Variants in TMEM132D observed in about 807,000 individuals in gnomAD.
The protein encoded by TMEM132D is mature OL transmembrane protein.
In TMEM132D, 21 loss-of-function variants were observed where a neutral mutation model predicts 62.3. The ratio of observed to expected loss-of-function variants is 0.34; its 90% confidence interval spans 0.24 to 0.49. The LOEUF is 0.49. Ranked by LOEUF, TMEM132D falls within the 20% of genes least tolerant of loss-of-function variation. The pLI, the probability that TMEM132D is intolerant of heterozygous loss-of-function variation, is 0.99. For missense variants in TMEM132D, 1,346 were observed against 1,402.8 expected (o/e 0.96, Z 0.65); for synonymous variants, 621 against 575.6 (o/e 1.08, Z -1.13).
intron 2 of TMEM132D, among the ~76,000 whole-genome samples, chr12:129,688,676 T>A (rs1213490432): frequency 6.6e-6 from 1 of 151,832 alleles, no homozygotes; most frequent in Non-Finnish European, 1.5e-5. Flanking sequence ...CTTCCAATAT[T>A]TCATGAGTGA....
At chr12:129,387,299 AC>A (rs1871134734) in intron 3 of TMEM132D, among the ~76,000 whole-genome samples, 1 of 127,242 alleles carries the variant, frequency 7.9e-6, no homozygotes, top group Non-Finnish European at 1.6e-5. Context: ...CAATGCCAAC[AC>A]CAATACCAAC....
chr12:129,454,804 G>C (rs1593016392), intron 3 of TMEM132D, among the ~76,000 whole-genome samples: 1 of 152,134 alleles, frequency 6.6e-6, no homozygotes, highest in African/African-American at 2.4e-5. Flanking sequence ...ACTTAGCTCT[G>C]AGCCATCCAC....
intron 2 of TMEM132D, among the ~76,000 whole-genome samples, chr12:129,640,593 G>T (rs1273310102): frequency 5.3e-5 from 8 of 152,150 alleles, no homozygotes; most frequent in Admixed American, 5.2e-4. Context: ...AATCTAGGAG[G>T]GACCTGGAGA....
At chr12:129,790,739 G>T (rs1334352358) in intron 1 of TMEM132D, among the ~76,000 whole-genome samples, 1 of 152,126 alleles carries the variant, frequency 6.6e-6, no homozygotes, top group Non-Finnish European at 1.5e-5. Flanking sequence ...TGAGGGTCGG[G>T]CCCTCACCAG....
intron 5 of TMEM132D, among the ~76,000 whole-genome samples, chr12:129,114,658 C>T (rs76138259): frequency 0.048 from 7,271 of 152,280 alleles, 402 homozygotes; most frequent in East Asian, 0.29. Flanking sequence ...AGAAGCCCCT[C>T]GCATGCCCCT....
At chr12:129,088,449 C>G (rs1318419185) in intron 5 of TMEM132D, among the ~76,000 whole-genome samples, 1 of 42,502 alleles carries the variant, frequency 2.4e-5, no homozygotes. Flanking sequence ...CCTCCATGAC[C>G]GGGTGTCCTC....
At chr12:129,323,961 AG>A (rs1440127390) in intron 4 of TMEM132D, among the ~76,000 whole-genome samples, 4 of 152,224 alleles carry the variant, frequency 2.6e-5, no homozygotes, top group Middle Eastern at 3.4e-3. Context: ...TAAATGGAAA[AG>A]CAGTTACCTC....
chr12:129,136,836 T>TCAC (rs1876583681), intron 5 of TMEM132D, among the ~76,000 whole-genome samples: 1 of 130,658 alleles, frequency 7.7e-6, no homozygotes, highest in Admixed American at 7.6e-5. Context: ...ATCATCATTA[T>TCAC]CACCACCACC....
intron 1 of TMEM132D, among the ~76,000 whole-genome samples, chr12:129,711,511 A>G (rs2137236594): frequency 2.0e-5 from 3 of 152,256 alleles, no homozygotes; most frequent in Admixed American, 2.0e-4. Context: ...GGATCACCTG[A>G]GGTCAGGTGT....
intron 1 of TMEM132D, among the ~76,000 whole-genome samples, chr12:129,895,189 C>T (rs149615541): frequency 1.4e-4 from 21 of 152,350 alleles, no homozygotes; most frequent in African/African-American, 3.4e-4. Flanking sequence ...CCCAGGTACA[C>T]GTCACCGTTG....
intron 5 of TMEM132D, among the ~76,000 whole-genome samples, chr12:129,131,325 G>C (rs961416982): frequency 6.6e-6 from 1 of 152,142 alleles, no homozygotes; most frequent in Non-Finnish European, 1.5e-5. Flanking sequence ...GAAATTATCC[G>C]GCCAGGTATA....
intron 1 of TMEM132D, among the ~76,000 whole-genome samples, chr12:129,714,006 T>C (rs923360844): frequency 4.6e-5 from 7 of 152,216 alleles, no homozygotes; most frequent in African/African-American, 1.4e-4. Flanking sequence ...GGTAAGGTGA[T>C]AGACAAAGTC....
At chr12:129,611,150 A>G (rs1223733342) in intron 2 of TMEM132D, among the ~76,000 whole-genome samples, 1 of 152,084 alleles carries the variant, frequency 6.6e-6, no homozygotes, top group East Asian at 1.9e-4. Flanking sequence ...TGCATTTACC[A>G]TGTGTCAGAC....
chr12:129,661,102 T>C (rs1880226746), intron 2 of TMEM132D, among the ~76,000 whole-genome samples: 1 of 152,202 alleles, frequency 6.6e-6, no homozygotes, highest in South Asian at 2.1e-4. Flanking sequence ...TTCTAGGAGA[T>C]TCGGTCTGCA....
chr12:129,154,729 CT>C (rs1369390009), intron 5 of TMEM132D, among the ~76,000 whole-genome samples: 40 of 152,164 alleles, frequency 2.6e-4, no homozygotes, highest in African/African-American at 9.2e-4. Context: ...CTTATTATAT[CT>C]TTTTTATTTT....
chr12:129,579,539 C>A (rs542947686), intron 2 of TMEM132D, among the ~76,000 whole-genome samples: 1 of 152,182 alleles, frequency 6.6e-6, no homozygotes, highest in Non-Finnish European at 1.5e-5. Flanking sequence ...GGCCTGAGAG[C>A]CCCTGGCAAA....
At chr12:129,811,345 A>G (rs7137775) in intron 1 of TMEM132D, among the ~76,000 whole-genome samples, 29,312 of 151,356 alleles carry the variant, frequency 0.19, 3,354 homozygotes, top group East Asian at 0.39. Flanking sequence ...CACCCAGCAG[A>G]CTTCATCCTG....
At chr12:129,820,977 T>C (rs949899726) in intron 1 of TMEM132D, among the ~76,000 whole-genome samples, 44 of 152,322 alleles carry the variant, frequency 2.9e-4, no homozygotes, top group Admixed American at 9.8e-4. Context: ...AAAGATTATA[T>C]GTCAGCCTCT....
intron 3 of TMEM132D, among the ~76,000 whole-genome samples, chr12:129,511,705 T>C (rs145052075): frequency 3.0e-3 from 450 of 152,356 alleles, no homozygotes; most frequent in Middle Eastern, 6.8e-3. Flanking sequence ...ATTCTGGGTA[T>C]GAGTCCTTTG....
Sources: allele counts gnomAD v4.1 joint callset (sites outside exome capture counted in the v4.1 genomes callset), GRCh38; gene constraint gnomAD v4.1.1; transcripts MANE v1.5; gene names NCBI Gene and HGNC (gene_info 2026-07-23, HGNC 2026-07-21).